VWC2: variants seen among roughly 807,000 people sequenced by gnomAD.
VWC2 encodes the protein brorin.
In VWC2, 14 loss-of-function variants were observed where a neutral mutation model predicts 29.8. The ratio of observed to expected loss-of-function variants is 0.47; its 90% CI spans 0.31 to 0.74. The LOEUF (loss-of-function observed/expected upper bound fraction) is 0.74. Among genes scored for constraint, VWC2 ranks in the 30% least tolerant of loss-of-function variants. VWC2 has a pLI of 0.05. For missense variants in VWC2, 457 were observed against 459.8 expected (o/e 0.99, Z 0.05); for synonymous variants, 213 against 199.0 (o/e 1.07, Z -0.59).
intron 3 of VWC2, among the ~76,000 whole-genome samples, chr7:49,898,234 C>T (rs1026078430): frequency 6.6e-6 from 1 of 151,722 alleles, no homozygotes; most frequent in Non-Finnish European, 1.5e-5. Flanking sequence ...CACACACAAA[C>T]ACACAGATAT....
intron 3 of VWC2, among the ~76,000 whole-genome samples, chr7:49,859,471 G>A (rs1441817129): frequency 6.6e-6 from 1 of 152,110 alleles, no homozygotes; most frequent in Non-Finnish European, 1.5e-5. Context: ...GTGTTGTGAG[G>A]TGGGAAATCT....
intron 3 of VWC2, among the ~76,000 whole-genome samples, chr7:49,858,806 CTTAT>C (rs1265010440): frequency 1.3e-5 from 2 of 152,152 alleles, no homozygotes; most frequent in East Asian, 3.8e-4. Flanking sequence ...AAAAATGTTA[CTTAT>C]TTTTTATGTT....
chr7:49,912,144 C>T lies in VWC2; in HGVS notation c.937C>T (p.Arg313Trp), dbSNP rs1428418971. ...TYEEGTWRIE[R>W]QAMCTRHECR... is the part of the protein sequence containing the mutation. ...TGAGGAAGGCACATGGAGAATCGAGCGGCAGGCCATGTGCACGAGACATGA... is the reference window on the plus strand; with the variant it reads ...TGAGGAAGGCACATGGAGAATCGAGTGGCAGGCCATGTGCACGAGACATGA... The change falls in exon 4 of 4, where the codon CGG (arginine) becomes TGG (tryptophan). Residue 313 changes from arginine to tryptophan, a missense_variant. Physicochemically the swap from Arg to Trp is moderately radical, Grantham distance 101. Around this residue, in one of 2 missense-constraint regions of VWC2, gnomAD observed 185 missense variants for 257.1 expected, o/e 0.72. Transcript: ENST00000340652. The T allele has an allele frequency of 1.2e-5, 20 of 1,613,840 alleles. No homozygotes were observed. The highest frequency in any genetic ancestry group is 1.6e-4 in the Middle Eastern group (1 of 6,084).
chr7:49,855,312 G>T (rs1397738615), intron 3 of VWC2, among the ~76,000 whole-genome samples: 4 of 152,056 alleles, frequency 2.6e-5, no homozygotes, highest in Non-Finnish European at 5.9e-5. Flanking sequence ...GAAGTTTCAT[G>T]ATCTTCCTTA....
At chr7:49,833,454 C>A (rs1789580999) in intron 3 of VWC2, among the ~76,000 whole-genome samples, 1 of 152,100 alleles carries the variant, frequency 6.6e-6, no homozygotes, top group Non-Finnish European at 1.5e-5. Context: ...CACAAAGCAG[C>A]CAAACAAGGA....
rs144179327 is a variant in VWC2 at position 49,781,924 on chromosome 7, CA to C, written c.696+5794del. On this transcript the variant is annotated intron_variant, in intron 2 of 3. Transcript: ENST00000340652. Reference sequence around the variant, plus strand: ...CCCTGAGAGCAAGGGGGAATGAGTCCAGGGGGCAGTGAAAAGAAGACTAGAT... The same window carrying C: ...CCCTGAGAGCAAGGGGGAATGAGTCCGGGGGCAGTGAAAAGAAGACTAGAT... Among the ~76,000 whole-genome samples the C allele has an allele frequency of 3.4e-3, 518 of 152,102 alleles. 3 individuals carry two copies. Among genetic ancestry groups the C allele is most frequent in the Non-Finnish European group, 6.1e-3 (418 of 67,992 alleles).
At chr7:49,781,125 C>T (rs1788168920) in intron 2 of VWC2, among the ~76,000 whole-genome samples, 1 of 152,206 alleles carries the variant, frequency 6.6e-6, no homozygotes, top group African/African-American at 2.4e-5. Context: ...GTGTTCTTTT[C>T]TGCAAGTCAG....
intron 3 of VWC2, among the ~76,000 whole-genome samples, chr7:49,819,474 T>C (rs1243406660): frequency 1.3e-5 from 2 of 152,254 alleles, no homozygotes; most frequent in African/African-American, 4.8e-5. Context: ...CGGGCCATGC[T>C]GTGCAGCCTA....
chr7:49,897,703 G>T (rs1727885739), intron 3 of VWC2, among the ~76,000 whole-genome samples: 1 of 152,152 alleles, frequency 6.6e-6, no homozygotes. Flanking sequence ...AAGCTCCATG[G>T]GAACCAGTAT....
chr7:49,883,203 CG>C (rs1791748337), intron 3 of VWC2, among the ~76,000 whole-genome samples: 1 of 152,002 alleles, frequency 6.6e-6, no homozygotes, highest in Non-Finnish European at 1.5e-5. Context: ...GCAATGAAGT[CG>C]ACTGACCCGA....
rs745799633 is a variant in VWC2 at position 49,833,853 on chromosome 7, A to G, written c.826+31013A>G. Among the ~76,000 whole-genome samples the G allele has an allele frequency of 3.3e-5, 5 of 152,334 alleles. No individual in the cohort carries two copies. The South Asian group carries it at 6.2e-4, about 19-fold the overall frequency. ...CCATCGTAACTTATAGATTCTATCT[A>G]TAAGTCAGGCAGTGGGAATTTAGTT... On this transcript the variant is annotated intron_variant, in intron 3 of 3. Transcript: ENST00000340652.
intron 2 of VWC2, among the ~76,000 whole-genome samples, chr7:49,797,283 A>T (rs904501859): frequency 6.6e-6 from 1 of 152,158 alleles, no homozygotes; most frequent in Admixed American, 6.5e-5. Flanking sequence ...AATTAACTCC[A>T]TCTATGAAAC....
chr7:49,818,265 G>C (rs1210139831), intron 3 of VWC2, among the ~76,000 whole-genome samples: 2 of 152,158 alleles, frequency 1.3e-5, no homozygotes, highest in South Asian at 2.1e-4. Context: ...AATTGGACTA[G>C]ATTATTTGAA....
intron 2 of VWC2, among the ~76,000 whole-genome samples, chr7:49,780,018 T>A (rs534461878): frequency 6.6e-6 from 1 of 152,312 alleles, no homozygotes; most frequent in Admixed American, 6.5e-5. Context: ...CTTCAAAATT[T>A]GAATTGTAGA....
intron 3 of VWC2, among the ~76,000 whole-genome samples, chr7:49,897,565 A>G (rs1288655655): frequency 1.3e-5 from 2 of 152,178 alleles, no homozygotes; most frequent in African/African-American, 4.8e-5. Context: ...AAAACAGGTA[A>G]AACTCTGAAC....
chr7:49,890,922 A>AT (rs1792100371), intron 3 of VWC2, among the ~76,000 whole-genome samples: 1 of 142,832 alleles, frequency 7.0e-6, no homozygotes, highest in South Asian at 2.1e-4. Flanking sequence ...GTAAACAGGC[A>AT]TAAAAAAAAG....
chr7:49,839,486 G>A (rs1789743639), intron 3 of VWC2, among the ~76,000 whole-genome samples: 1 of 152,110 alleles, frequency 6.6e-6, no homozygotes, highest in African/African-American at 2.4e-5. Context: ...TGAACTGAAT[G>A]ATGTTTCACA....
At chr7:49,857,954 C>A (rs1288081505) in intron 3 of VWC2, among the ~76,000 whole-genome samples, 2 of 152,176 alleles carry the variant, frequency 1.3e-5, no homozygotes, top group South Asian at 2.1e-4. Context: ...TGAGACCACA[C>A]AGGCTTTCCC....
chr7:49,861,628 T>TA (rs1192225536), intron 3 of VWC2, among the ~76,000 whole-genome samples: 1 of 152,246 alleles, frequency 6.6e-6, no homozygotes. Flanking sequence ...GATTTTTAGA[T>TA]ATTGCCTTTA....
Sources: allele counts gnomAD v4.1 joint callset (sites outside exome capture counted in the v4.1 genomes callset), GRCh38; gene constraint gnomAD v4.1.1; regional missense constraint gnomAD v4.1.1; transcripts MANE v1.5; gene names NCBI Gene and HGNC (gene_info 2026-07-23, HGNC 2026-07-21).